EIF2A: variants seen among roughly 807,000 people sequenced by gnomAD.
EIF2A encodes the protein eukaryotic translation initiation factor 2A, also known as 65 kDa eukaryotic translation initiation factor 2A.
EIF2A carries 62 observed loss-of-function variants against 75.2 expected under a neutral mutation model. The ratio of observed to expected loss-of-function variants is 0.82; its 90% CI spans 0.67 to 1.02. EIF2A has a LOEUF of 1.02. Ranked by LOEUF, EIF2A falls within the 50% of genes least tolerant of loss-of-function variation. The pLI, the probability that EIF2A is intolerant of heterozygous loss-of-function variation, is 0.00. For synonymous variants in EIF2A, 207 were observed against 239.0 expected, an observed-to-expected ratio of 0.87 and a Z score of 1.23; for missense variants, 611 against 677.7, an observed-to-expected ratio of 0.90 and a Z score of 1.09.
chr3:150,562,714 G>T (rs1235061913), intron 4 of EIF2A, 54 bp downstream of exon 4: 5 of 1,369,808 alleles, frequency 3.7e-6, no homozygotes, highest in South Asian at 1.2e-5. Flanking sequence ...ACGTTTAGTG[G>T]GGGGGAAAAA....
intron 11 of EIF2A, among the ~76,000 whole-genome samples, chr3:150,580,251 A>G (rs1725102056): frequency 6.6e-6 from 1 of 152,154 alleles, no homozygotes; most frequent in African/African-American, 2.4e-5. Flanking sequence ...TCTAGGCACA[A>G]GGAACAATAT....
rs370514567 is a variant in EIF2A, at chr3:150,572,522, C to A, written c.1376C>A (p.Ser459Tyr). The A allele has an allele frequency of 6.3e-7, 1 of 1,599,372 alleles. No individual in the cohort carries two copies. Among genetic ancestry groups the A allele is most frequent in the Non-Finnish European group, 8.5e-7 (1 of 1,173,944 alleles). The change falls in exon 10 of 14, where the codon TCC becomes TAC. Residue 459 changes from serine (S) to tyrosine (Y), a missense_variant. Coordinates refer to ENST00000460851, the MANE Select transcript of EIF2A (RefSeq NM_032025.5). ...TTAAGAAATAAACCAATCACCAATT[C>A]CAAATTGGTAAGTAAAGTTTTACTA... The part of the protein sequence containing the change: ...PALRNKPITN[S>Y]KLHEEEPPQN...
chr3:150,552,573 A>T (rs998175260), intron 2 of EIF2A, 148 bp downstream of exon 2: 1 of 612,528 alleles, frequency 1.6e-6, no homozygotes, highest in Non-Finnish European at 2.7e-6. Context: ...AAAAGAATAC[A>T]TATTCTCTAT....
rs115840267 is a variant in EIF2A at position 150,547,003 on chromosome 3, C to T, written c.28+173C>T. 3.1e-3 allele frequency: 2,413 copies of T among 778,622 alleles called. 8 individuals carry two copies. The highest frequency in any genetic ancestry group is 5.4e-3 in the Middle Eastern group (14 of 2,584). The allele number at this position is 778,622 out of a possible 1,614,324, so 48.2% of individuals were successfully genotyped here. On this transcript the variant is annotated intron_variant, in intron 1 of 13. Transcript: ENST00000460851. ...ATAGCGTGGCAATCGGAAGTGAAGT[C>T]TCCGCCTCTGGGCTTTCGTATTCCC...
chr3:150,552,305 T>C lies in EIF2A; in HGVS notation c.29-51T>C, dbSNP rs1192337578. 3.4e-6 allele frequency: 5 copies of C among 1,451,480 alleles called. No homozygotes were observed. The East Asian group carries it at 9.9e-5, about 29-fold the overall frequency. The allele number at this position is 1,451,480 out of a possible 1,614,324, so 89.9% of individuals were successfully genotyped here. A position where few individuals can be genotyped will look rare whatever the true frequency, so the allele number is the denominator to read the frequency against. ...TTTTAAAAAACACATTTGTGTTAAC[T>C]GAGTCTTTATTAACAAAGTAATTGT... On this transcript the variant is annotated intron_variant, in intron 1 of 13. Coordinates refer to ENST00000460851, the MANE Select transcript of EIF2A (RefSeq NM_032025.5).
chr3:150,581,818 G>T (rs762700006), intron 12 of EIF2A, 72 bp downstream of exon 12: 17 of 1,506,658 alleles, frequency 1.1e-5, no homozygotes, highest in Non-Finnish European at 1.5e-5. Flanking sequence ...AGAGTACTTA[G>T]ATGCCTAAAG....
At chr3:150,566,749 C>G (rs1243059592) in intron 6 of EIF2A, 1 of 150,032 alleles carries the variant, frequency 6.7e-6, no homozygotes, top group Non-Finnish European at 1.5e-5. Flanking sequence ...GGTATTCTTA[C>G]AATCTTAATA....
At chr3:150,550,388 C>A (rs867511153) in intron 1 of EIF2A, among the ~76,000 whole-genome samples, 2 of 152,050 alleles carry the variant, frequency 1.3e-5, no homozygotes, top group African/African-American at 4.8e-5. Context: ...TTTATTTTTG[C>A]TTTTATTAGT....
Position 150,572,317 on chromosome 3 carries a change from C to T in EIF2A, c.1171C>T (p.His391Tyr). 1.2e-6 allele frequency: 2 copies of T among 1,613,920 alleles called. No homozygotes were observed. Among genetic ancestry groups the T allele is most frequent in the Non-Finnish European group, 1.7e-6 (2 of 1,179,860 alleles). ...LRVNNGYKIW[H>Y]YTGSILHKYD... ...GGTTAATAATGGATACAAAATTTGG[C>T]ATTATACTGGCTCTATCTTGCACAA... The change falls in exon 10 of 14, where the codon CAT becomes TAT. Residue 391 changes from histidine to tyrosine, a missense_variant. Coordinates refer to ENST00000460851, the MANE Select transcript of EIF2A (RefSeq NM_032025.5).
In EIF2A at chr3:150,568,172, A is replaced by G; in HGVS notation, c.695-4A>G. On this transcript the variant is annotated splice_region_variant and splice_polypyrimidine_tract_variant and intron_variant, in intron 8 of 13. Transcript: ENST00000460851. ...AAATCTAATTAAAGTTTTTACTGTT[A>G]TAGCTACTGCTGTGTTGGTAATAGC... is the stretch of plus-strand genomic sequence containing the variant. 2 of 1,611,038 alleles carry G rather than the reference A, an allele frequency of 1.2e-6. No homozygotes were observed. The highest frequency in any genetic ancestry group is 1.7e-6 in the Non-Finnish European group (2 of 1,178,910).
chr3:150,551,013 C>G (rs1477677161), intron 1 of EIF2A, among the ~76,000 whole-genome samples: 1 of 152,158 alleles, frequency 6.6e-6, no homozygotes, highest in Non-Finnish European at 1.5e-5. Flanking sequence ...GGCCTTCTTT[C>G]CATCCCCTTG....
At chr3:150,576,430 G>GA (rs1461987293) in intron 11 of EIF2A, among the ~76,000 whole-genome samples, 12 of 149,900 alleles carry the variant, frequency 8.0e-5, no homozygotes, top group South Asian at 6.3e-4. Context: ...ACCATGACTC[G>GA]AAAAAAAAAG....
In EIF2A at chr3:150,585,218, C is replaced by T. The variant is rs1725405884; in HGVS notation, c.*1307C>T. Among the ~76,000 whole-genome samples the T allele has an allele frequency of 6.6e-6, 1 of 152,124 alleles. No homozygotes were observed. The highest frequency in any genetic ancestry group is 1.5e-5 in the Non-Finnish European group (1 of 68,006). On this transcript the variant is annotated 3_prime_UTR_variant, in exon 14 of 14. Coordinates refer to ENST00000460851, the MANE Select transcript of EIF2A (RefSeq NM_032025.5). Reference sequence around the variant, plus strand: ...TTATACTCACCATAGTGGTTCTGTACTCCCTTAAAATATTCTGGAGGCCAG... The same window carrying T: ...TTATACTCACCATAGTGGTTCTGTATTCCCTTAAAATATTCTGGAGGCCAG...
At chr3:150,581,182 T>G (rs1725157805) in intron 11 of EIF2A, among the ~76,000 whole-genome samples, 1 of 152,270 alleles carries the variant, frequency 6.6e-6, no homozygotes, top group African/African-American at 2.4e-5. Context: ...GTTGCAGAGC[T>G]GAATTGATCT....
chr3:150,561,588 TAAAAC>T lies in EIF2A; in HGVS notation c.174-949_174-945del, dbSNP rs1372545163. ...GTGAGACTCCATCTCAAATAAAAAA[TAAAAC>T]AAAAGTATACTTTTGCCATTTTCTC... On this transcript the variant is annotated intron_variant, in intron 3 of 13. Transcript: ENST00000460851. 1.3e-4 allele frequency among the ~76,000 whole-genome samples: 19 copies of T among 151,768 alleles called. No individual in the cohort carries two copies. In the South Asian group the frequency reaches 3.4e-3, roughly 27 times the overall value.
intron 1 of EIF2A, among the ~76,000 whole-genome samples, chr3:150,549,475 C>T (rs1246701046): frequency 6.6e-6 from 1 of 152,148 alleles, no homozygotes; most frequent in African/African-American, 2.4e-5. Context: ...GCCTCTGCCT[C>T]CCAAAGTGCT....
At chr3:150,560,055 G>C (rs1406517871) in intron 3 of EIF2A, among the ~76,000 whole-genome samples, 2 of 151,814 alleles carry the variant, frequency 1.3e-5, no homozygotes, top group African/African-American at 4.8e-5. Context: ...TTGTTTGTTT[G>C]TTTTTGAAGT....
intron 11 of EIF2A, among the ~76,000 whole-genome samples, chr3:150,576,870 A>G (rs1160834861): frequency 6.6e-6 from 1 of 152,242 alleles, no homozygotes; most frequent in Non-Finnish European, 1.5e-5. Context: ...ACACCAGTGT[A>G]AATAATTGAC....
In EIF2A at chr3:150,584,139, C is replaced by T. The variant is rs1330082743; in HGVS notation, c.*228C>T. The T allele has an allele frequency of 6.2e-5, 25 of 400,720 alleles. No homozygotes were observed. The highest frequency in any genetic ancestry group is 6.5e-5 in the Non-Finnish European group (15 of 229,442). The allele number at this position is 400,720 out of a possible 1,614,324, so 24.8% of individuals were successfully genotyped here. On this transcript the variant is annotated 3_prime_UTR_variant, in exon 14 of 14. Coordinates refer to ENST00000460851, the MANE Select transcript of EIF2A (RefSeq NM_032025.5). The stretch of plus-strand genomic sequence containing the variant: ...CAATATGTGATATAGAAAAGAGATA[C>T]GTGAATTTTTTAGCTAAGCTTGACA...
Sources: allele counts gnomAD v4.1 joint callset (sites outside exome capture counted in the v4.1 genomes callset), GRCh38; gene constraint gnomAD v4.1.1; transcripts MANE v1.5; gene names NCBI Gene and HGNC (gene_info 2026-07-23, HGNC 2026-07-21).